Variants in ATR observed in about 807,000 individuals in gnomAD.
ATR encodes the protein ATR checkpoint kinase, also known as serine/threonine-protein kinase ATR.
Under a neutral mutation model 305.3 loss-of-function variants are expected in ATR, and 142 were observed. The observed-to-expected ratio is 0.47, with a 90% CI of 0.41 to 0.53. The LOEUF (loss-of-function observed/expected upper bound fraction) is 0.53. Ranked by LOEUF, ATR falls within the 20% of genes least tolerant of loss-of-function variation. The pLI is 0.00. For missense variants in ATR, 2,135 were observed against 3,133.1 expected (o/e 0.68, Z 7.60); for synonymous variants, 1,050 against 1,068.1 (o/e 0.98, Z 0.33).
intron 45 of ATR, 108 bp downstream of exon 45, chr3:142,457,496 C>T: frequency 1.5e-6 from 2 of 1,306,310 alleles, no homozygotes; most frequent in South Asian, 1.3e-5. Context: ...TTTAAAAAAA[C>T]TATTTCAGTC....
At chr3:142,555,669 C>A (rs187889158) in intron 10 of ATR, among the ~76,000 whole-genome samples, 1 of 152,074 alleles carries the variant, frequency 6.6e-6, no homozygotes, top group Non-Finnish European at 1.5e-5. Context: ...CAAGAGTATT[C>A]GAAAAATCCC....
chr3:142,560,594 T>C (rs2034844145), intron 5 of ATR, 140 bp from the exon 6 acceptor site: 1 of 655,316 alleles, frequency 1.5e-6, no homozygotes, highest in African/African-American at 1.8e-5. Flanking sequence ...AGAGTCTCAC[T>C]CTGTCTCCCA....
chr3:142,542,653 A>G lies in ATR; in HGVS notation c.3450+12T>C, dbSNP rs370149274. The G allele has an allele frequency of 1.3e-4, 204 of 1,602,726 alleles. No individual in the cohort carries two copies. The African/African-American group carries it at 2.5e-3, about 19-fold the overall frequency. On this transcript the variant is annotated intron_variant, in intron 17 of 46. Transcript: ENST00000350721. ...AATTCTATCTTAGCACTCTGGAACT[A>G]TCACCACTTACCATTTTCTTATCTT... is the stretch of plus-strand genomic sequence containing the variant.
intron 9 of ATR, 104 bp downstream of exon 9, chr3:142,556,279 T>G (rs1479043276): frequency 6.8e-7 from 1 of 1,480,282 alleles, no homozygotes; most frequent in African/African-American, 1.4e-5. Flanking sequence ...AAAAGCAACA[T>G]TTGCTTTACA....
At chr3:142,465,357 T>C (rs1008626125) in intron 40 of ATR, 117 bp from the exon 41 acceptor site, 5 of 749,462 alleles carry the variant, frequency 6.7e-6, no homozygotes, top group African/African-American at 5.4e-5. Context: ...CTATATTATG[T>C]AGTGAATTTG....
chr3:142,481,021 C>A (rs992389703), intron 36 of ATR, among the ~76,000 whole-genome samples: 11 of 152,268 alleles, frequency 7.2e-5, no homozygotes, highest in Admixed American at 2.0e-4. Flanking sequence ...AATTCCCTGA[C>A]CCCTTGCACT....
intron 36 of ATR, among the ~76,000 whole-genome samples, chr3:142,471,035 C>G (rs951498445): frequency 9.2e-5 from 14 of 152,048 alleles, no homozygotes; most frequent in Non-Finnish European, 4.4e-5. Context: ...TCATCACCAC[C>G]ATTCCCCCTC....
chr3:142,574,062 A>G (rs186524723), intron 1 of ATR, among the ~76,000 whole-genome samples: 1 of 152,344 alleles, frequency 6.6e-6, no homozygotes, highest in Admixed American at 6.5e-5. Context: ...AGTTTCTTAC[A>G]AAGTTTCATT....
intron 24 of ATR, among the ~76,000 whole-genome samples, chr3:142,517,548 T>C (rs377757206): frequency 4.6e-5 from 7 of 152,208 alleles, no homozygotes; most frequent in African/African-American, 1.7e-4. Context: ...AAACGCACTC[T>C]ATCAACCTCT....
intron 6 of ATR, 104 bp from the exon 7 acceptor site, chr3:142,559,545 TTATC>T (rs1451407653): frequency 1.8e-6 from 2 of 1,089,258 alleles, no homozygotes; most frequent in African/African-American, 1.6e-5. Context: ...AGTACGAAAT[TTATC>T]TATAACAATT....
intron 41 of ATR, among the ~76,000 whole-genome samples, chr3:142,464,058 T>C (rs1008729018): frequency 8.2e-4 from 125 of 152,188 alleles, no homozygotes; most frequent in African/African-American, 2.8e-3. Context: ...ATTCCTCATA[T>C]CATCTTTGAG....
intron 28 of ATR, among the ~76,000 whole-genome samples, chr3:142,505,620 T>C (rs551580057): frequency 2.0e-5 from 3 of 152,320 alleles, no homozygotes; most frequent in African/African-American, 7.2e-5. Context: ...TGAGTATAGC[T>C]TATAAGAGTT....
chr3:142,518,381 G>A (rs1442586046), intron 24 of ATR, among the ~76,000 whole-genome samples: 1 of 152,148 alleles, frequency 6.6e-6, no homozygotes, highest in Non-Finnish European at 1.5e-5. Flanking sequence ...GCCAGGCATG[G>A]CGGTGCACGC....
At chr3:142,478,052 A>G (rs2030037098) in intron 36 of ATR, among the ~76,000 whole-genome samples, 1 of 152,078 alleles carries the variant, frequency 6.6e-6, no homozygotes, top group Non-Finnish European at 1.5e-5. Context: ...TCCTGGATTC[A>G]TTGATTTTGT....
chr3:142,461,217 T>C (rs1358856167), intron 42 of ATR, among the ~76,000 whole-genome samples: 1 of 152,132 alleles, frequency 6.6e-6, no homozygotes, highest in Non-Finnish European at 1.5e-5. Flanking sequence ...AAATAACCTG[T>C]TTCTCATCTT....
At chr3:142,486,979 A>AC (rs1198611361) in intron 35 of ATR, among the ~76,000 whole-genome samples, 2 of 149,878 alleles carry the variant, frequency 1.3e-5, no homozygotes, top group Admixed American at 6.7e-5. Flanking sequence ...AAAAAAAAAA[A>AC]AACAATTAGC....
chr3:142,530,698 G>C (rs72996187), intron 21 of ATR, among the ~76,000 whole-genome samples: 1 of 152,046 alleles, frequency 6.6e-6, no homozygotes, highest in Non-Finnish European at 1.5e-5. Flanking sequence ...ACTTCTGCAG[G>C]ACCCTTAAAA....
chr3:142,454,737 G>A (rs147115242), intron 45 of ATR, among the ~76,000 whole-genome samples: 5 of 152,214 alleles, frequency 3.3e-5, no homozygotes, highest in East Asian at 1.9e-4. Context: ...CACCGCGCCC[G>A]GCCCGATAGA....
intron 16 of ATR, among the ~76,000 whole-genome samples, chr3:142,544,383 C>T (rs1262756262): frequency 3.1e-5 from 4 of 127,774 alleles, no homozygotes; most frequent in African/African-American, 6.1e-5. Flanking sequence ...GCGCTGGAGG[C>T]AGAGGTTGCA....
Sources: gnomAD v4.1 joint callset for allele counts (sites outside exome capture counted in the v4.1 genomes callset) on GRCh38, gnomAD v4.1.1 for gene constraint, MANE v1.5 for transcripts, NCBI Gene and HGNC (gene_info 2026-07-23, HGNC 2026-07-21) for gene names.